The following FARS2 variants were observed in gnomAD, a reference collection of about 807,000 sequenced individuals.
FARS2 encodes the protein phenylalanyl-tRNA synthetase 2, mitochondrial.
FARS2 carries 40 observed loss-of-function variants against 46.4 expected under a neutral mutation model. The observed-to-expected ratio is 0.86, with a 90% CI of 0.67 to 1.12. The LOEUF (loss-of-function observed/expected upper bound fraction) is 1.12, where lower values mean the gene tolerates loss of function less well. FARS2 is among the 50% of genes most tolerant of loss of function. The pLI is 0.00. For missense variants in FARS2, 513 were observed against 567.9 expected (o/e 0.90, Z 0.98); for synonymous variants, 234 against 214.9 (o/e 1.09, Z -0.78).
intron 1 of FARS2, among the ~76,000 whole-genome samples, chr6:5,280,950 A>G (rs1318462143): frequency 2.6e-5 from 4 of 152,012 alleles, no homozygotes; most frequent in Non-Finnish European, 5.9e-5. Context: ...TTCCATTTTT[A>G]ATTTTTGATT....
At chr6:5,340,154 C>T (rs1171684259) in intron 1 of FARS2, among the ~76,000 whole-genome samples, 1 of 152,196 alleles carries the variant, frequency 6.6e-6, no homozygotes, top group Non-Finnish European at 1.5e-5. Flanking sequence ...GATGTTGAGT[C>T]TGCTTTGCTA....
chr6:5,390,352 G>T (rs951625579), intron 2 of FARS2, among the ~76,000 whole-genome samples: 1 of 152,208 alleles, frequency 6.6e-6, no homozygotes, highest in Non-Finnish European at 1.5e-5. Context: ...AAAGCAATGA[G>T]TATGTATTCT....
At chr6:5,667,998 G>C (rs976987685) in intron 6 of FARS2, 1 of 152,192 alleles carries the variant, frequency 6.6e-6, no homozygotes. Flanking sequence ...ACAATCTCCT[G>C]CTCTATTACT....
At position 5,368,822 on chromosome 6, in the gene FARS2, C is replaced by T; in HGVS notation, c.252C>T (p.His84=). 1.9e-6 allele frequency: 3 copies of T among 1,614,180 alleles called. No individual in the cohort carries two copies. The highest frequency in any genetic ancestry group is 1.1e-5 in the South Asian group (1 of 91,078). The change falls in exon 2 of 7, where the codon CAC becomes CAT. Residue 84 remains histidine (H), a synonymous_variant. Transcript: ENST00000274680. ...GGAACCTGCACAACCAGCAGCATCA[C>T]CCTCTGTGGCTGATCAAGGAGAGGG... The part of the protein sequence containing the change: ...VGRNLHNQQH[H]PLWLIKERVK...
chr6:5,529,509 T>C (rs1044549982), intron 4 of FARS2, among the ~76,000 whole-genome samples: 8 of 152,168 alleles, frequency 5.3e-5, no homozygotes, highest in Admixed American at 2.0e-4. Flanking sequence ...GGTTTTACCA[T>C]GTTGGCCAGG....
chr6:5,262,092 C>G (rs1250389752), intron 1 of FARS2, among the ~76,000 whole-genome samples: 1 of 152,166 alleles, frequency 6.6e-6, no homozygotes. Flanking sequence ...AAGAACCACA[C>G]CTTTCTGCAC....
intron 6 of FARS2, among the ~76,000 whole-genome samples, chr6:5,639,042 G>A (rs183624020): frequency 3.3e-5 from 5 of 152,356 alleles, no homozygotes; most frequent in East Asian, 3.9e-4. Flanking sequence ...TCTCTAAAAT[G>A]CATGTACGGT....
intron 5 of FARS2, among the ~76,000 whole-genome samples, chr6:5,567,836 G>T (rs1582466872): frequency 6.6e-6 from 1 of 152,304 alleles, no homozygotes; most frequent in East Asian, 1.9e-4. Context: ...TTTCCCCTGG[G>T]TCACTCACCT....
chr6:5,681,046 T>TC (rs1236421275), intron 6 of FARS2, among the ~76,000 whole-genome samples: 1 of 152,236 alleles, frequency 6.6e-6, no homozygotes, highest in East Asian at 1.9e-4. Context: ...AGTGTAAATC[T>TC]CCAAGTTTGT....
chr6:5,388,583 C>G (rs191279164), intron 2 of FARS2, among the ~76,000 whole-genome samples: 2 of 152,224 alleles, frequency 1.3e-5, no homozygotes, highest in Non-Finnish European at 2.9e-5. Flanking sequence ...CTGGCTAACA[C>G]TGTGTCTGTG....
chr6:5,344,025 G>A lies in FARS2; in HGVS notation c.-21-24525G>A, dbSNP rs115368256. Among the ~76,000 whole-genome samples the A allele has an allele frequency of 7.3e-3, 1,105 of 152,230 alleles. 7 individuals are homozygous for A. Among genetic ancestry groups the A allele is most frequent in the Middle Eastern group, 0.014 (4 of 294 alleles). Reference sequence around the variant, plus strand: ...AGCTGTGCCTTCCGTGCTTCTCTTCGGAGGCTTGTTTCTGGGTATGTGTTC... The same window carrying A: ...AGCTGTGCCTTCCGTGCTTCTCTTCAGAGGCTTGTTTCTGGGTATGTGTTC... On this transcript the variant is annotated intron_variant, in intron 1 of 6. Transcript: ENST00000274680.
At chr6:5,637,459 C>T (rs1471896119) in intron 6 of FARS2, among the ~76,000 whole-genome samples, 2 of 152,230 alleles carry the variant, frequency 1.3e-5, no homozygotes, top group African/African-American at 2.4e-5. Context: ...ACAGGTAAAG[C>T]AGCTCGCCCA....
intron 5 of FARS2, among the ~76,000 whole-genome samples, chr6:5,591,941 C>T (rs1297411385): frequency 1.3e-5 from 2 of 152,068 alleles, no homozygotes; most frequent in African/African-American, 2.4e-5. Flanking sequence ...CATGTTTCTT[C>T]GCACATAGCT....
rs1554165777 is a variant in FARS2 at position 5,341,257 on chromosome 6, T to TC, written c.-21-27290dup. On this transcript the variant is annotated intron_variant, in intron 1 of 6. Coordinates refer to ENST00000274680, the MANE Select transcript of FARS2 (RefSeq NM_006567.5). ...TATATTTTTTTTTTTTTTTTTTTTTTCCCTGTGAGAGCAGTTGTTTTGAGA... is the reference window on the plus strand; with the variant it reads ...TATATTTTTTTTTTTTTTTTTTTTTTCCCCTGTGAGAGCAGTTGTTTTGAGA... 5.3e-3 allele frequency among the ~76,000 whole-genome samples: 299 copies of TC among 56,494 alleles called. 31 individuals carry two copies. Among genetic ancestry groups the TC allele is most frequent in the African/African-American group, 0.012 (161 of 13,092 alleles). The allele number at this position is 56,494 out of a possible 152,430, so 37.1% of individuals were successfully genotyped here.
intron 5 of FARS2, among the ~76,000 whole-genome samples, chr6:5,564,249 T>C (rs184235103): frequency 1.0e-3 from 153 of 152,326 alleles, no homozygotes; most frequent in Admixed American, 2.3e-3. Flanking sequence ...TTTTACTTGC[T>C]AAGATATAGA....
chr6:5,661,941 T>G (rs777820290), intron 6 of FARS2, among the ~76,000 whole-genome samples: 3 of 151,196 alleles, frequency 2.0e-5, no homozygotes, highest in Admixed American at 1.3e-4. Flanking sequence ...GATGTTACAG[T>G]GTTCCTCAGA....
chr6:5,709,103 G>A (rs7740727), intron 6 of FARS2, among the ~76,000 whole-genome samples: 69,568 of 152,068 alleles, frequency 0.46, 17,222 homozygotes, highest in Non-Finnish European at 0.57. Context: ...TGGTTGCTTC[G>A]CTAATTAGAA....
At chr6:5,453,491 A>G (rs925973395) in intron 4 of FARS2, among the ~76,000 whole-genome samples, 1 of 152,218 alleles carries the variant, frequency 6.6e-6, no homozygotes, top group African/African-American at 2.4e-5. Flanking sequence ...ATTTCCCCTC[A>G]TCTATGAGGC....
chr6:5,291,736 C>A, intron 1 of FARS2, among the ~76,000 whole-genome samples: 1 of 149,412 alleles, frequency 6.7e-6, no homozygotes, highest in African/African-American at 2.5e-5. Flanking sequence ...CCAGTATGGA[C>A]AACAGCAAGA....
Sources: allele counts gnomAD v4.1 joint callset (sites outside exome capture counted in the v4.1 genomes callset), GRCh38; gene constraint gnomAD v4.1.1; transcripts MANE v1.5; gene names NCBI Gene and HGNC (gene_info 2026-07-23, HGNC 2026-07-21).